MAP3K20: variants seen among roughly 807,000 people sequenced by gnomAD.
MAP3K20 encodes the protein HCCS-4.
A neutral mutation model predicts 85.7 loss-of-function variants in MAP3K20; 40 were observed. The ratio of observed to expected loss-of-function variants is 0.47; its 90% CI spans 0.36 to 0.61. MAP3K20 has a LOEUF of 0.61. MAP3K20 is among the 20% of genes least tolerant of loss of function. The pLI is 0.00. For missense variants in MAP3K20, 817 were observed against 961.7 expected (o/e 0.85, Z 1.99); for synonymous variants, 325 against 327.7 (o/e 0.99, Z 0.09).
At chr2:173,209,974 T>TG in intron 10 of MAP3K20, 139 bp downstream of exon 10, 1 of 759,870 alleles carries the variant, frequency 1.3e-6, no homozygotes, top group Admixed American at 2.5e-5. Flanking sequence ...GTTTTTTTTA[T>TG]GATTTTGGAA....
chr2:173,192,128 G>A (rs1690672001), intron 7 of MAP3K20, among the ~76,000 whole-genome samples: 1 of 151,998 alleles, frequency 6.6e-6, no homozygotes, highest in African/African-American at 2.4e-5. Flanking sequence ...TTCCTAAAAG[G>A]GCATTTTCAT....
intron 2 of MAP3K20, among the ~76,000 whole-genome samples, chr2:173,165,942 C>T (rs1173282749): frequency 1.3e-5 from 2 of 152,190 alleles, no homozygotes; most frequent in Non-Finnish European, 2.9e-5. Context: ...TCCCAAAATG[C>T]TAGGATTACA....
intron 2 of MAP3K20, among the ~76,000 whole-genome samples, chr2:173,137,559 A>G (rs1688831720): frequency 6.6e-6 from 1 of 152,110 alleles, no homozygotes. Flanking sequence ...CATATGAGTA[A>G]GAAGTGTGCA....
intron 16 of MAP3K20, among the ~76,000 whole-genome samples, chr2:173,253,098 G>C (rs976706960): frequency 1.3e-5 from 2 of 152,024 alleles, no homozygotes; most frequent in Non-Finnish European, 2.9e-5. Context: ...CAAGTGAGAC[G>C]CGCTGACCCA....
At chr2:173,232,081 G>C in intron 12 of MAP3K20, 111 bp from the exon 13 acceptor site, 4 of 1,335,546 alleles carry the variant, frequency 3.0e-6, no homozygotes, top group African/African-American at 1.5e-5. Flanking sequence ...CTTTGTGGTT[G>C]AGCCAGGAAT....
At chr2:173,190,208 A>T (rs1308769334) in intron 5 of MAP3K20, among the ~76,000 whole-genome samples, 1 of 152,164 alleles carries the variant, frequency 6.6e-6, no homozygotes, top group Non-Finnish European at 1.5e-5. Context: ...TAGCATAAGC[A>T]TCATTTCTTA....
At position 173,137,490 on chromosome 2, in the gene MAP3K20, A is replaced by AT. The variant is rs572247972; in HGVS notation, c.160-32304dup. 7.3e-4 allele frequency among the ~76,000 whole-genome samples: 109 copies of AT among 148,628 alleles called. 1 individual carries two copies. The highest frequency in any genetic ancestry group is 2.0e-3 in the Admixed American group (29 of 14,810). On this transcript the variant is annotated intron_variant, in intron 2 of 19. Coordinates refer to ENST00000375213, the MANE Select transcript of MAP3K20 (RefSeq NM_016653.3). ...TTAATTTAAATGTCAGCTTGAGAAG[A>AT]TTTTTTTTTTTCTGGTTGAGTAATT...
Position 173,203,835 on chromosome 2 carries a change from G to C in MAP3K20, c.709G>C (p.Glu237Gln). Residue 237 changes from glutamate (E) to glutamine (Q), a missense_variant, in exon 9 of 20, where the codon GAA becomes CAA. Physicochemically the swap from Glu to Gln is conservative, Grantham distance 29. Transcript: ENST00000375213. ...AAGCAGTTGCCCCAGAAGTTTTGCT[G>C]AACTGTTACATCAGTGTTGGGAAGC... ...IPSSCPRSFA[E>Q]LLHQCWEADA... 1 of 1,613,864 alleles carries C rather than the reference G, an allele frequency of 6.2e-7. No individual in the cohort carries two copies. Among genetic ancestry groups the C allele is most frequent in the Non-Finnish European group, 8.5e-7 (1 of 1,179,868 alleles).
chr2:173,220,024 T>C (rs1054630998), intron 11 of MAP3K20, among the ~76,000 whole-genome samples: 9 of 135,824 alleles, frequency 6.6e-5, no homozygotes, highest in South Asian at 2.4e-4. Context: ...GCTGAGATAG[T>C]GCCACTGCAC....
chr2:173,228,705 G>A (rs1684449894), intron 11 of MAP3K20, among the ~76,000 whole-genome samples: 1 of 152,130 alleles, frequency 6.6e-6, no homozygotes, highest in African/African-American at 2.4e-5. Context: ...CAGGGGCTGT[G>A]CCTTTCCTAG....
intron 9 of MAP3K20, chr2:173,207,794 A>G (rs919445413): frequency 6.6e-6 from 1 of 150,814 alleles, no homozygotes; most frequent in African/African-American, 2.4e-5. Flanking sequence ...AGAGGAATTT[A>G]TATAAGATCC....
intron 2 of MAP3K20, among the ~76,000 whole-genome samples, chr2:173,143,287 GAT>G: frequency 6.6e-6 from 1 of 152,062 alleles, no homozygotes; most frequent in East Asian, 1.9e-4. Context: ...TTTCTTAAAA[GAT>G]ATAACAATCA....
At chr2:173,157,517 A>T (rs1463841461) in intron 2 of MAP3K20, among the ~76,000 whole-genome samples, 6 of 152,230 alleles carry the variant, frequency 3.9e-5, no homozygotes, top group Non-Finnish European at 8.8e-5. Flanking sequence ...TTTTAAAATT[A>T]AATTTGCTAA....
chr2:173,080,639 TTAAG>T (rs776633246), intron 1 of MAP3K20, among the ~76,000 whole-genome samples: 9 of 152,364 alleles, frequency 5.9e-5, no homozygotes, highest in Admixed American at 2.0e-4. Flanking sequence ...ACATTAGCGA[TTAAG>T]TAATTAAGTT....
intron 5 of MAP3K20, 60 bp downstream of exon 5, chr2:173,187,683 AGAAATGAGCATC>A: frequency 7.1e-7 from 1 of 1,416,086 alleles, no homozygotes; most frequent in Non-Finnish European, 9.8e-7. Flanking sequence ...ACTTGCATGT[AGAAATGAGCATC>A]ATTCTTTTAC....
In MAP3K20 at chr2:173,114,397, A is replaced by G. The variant is rs531867508; in HGVS notation, c.159+23207A>G. Among the ~76,000 whole-genome samples the G allele has an allele frequency of 3.9e-4, 59 of 152,248 alleles. No individual in the cohort carries two copies. In the East Asian group the frequency reaches 6.8e-3, roughly 17 times the overall value. On this transcript the variant is annotated intron_variant, in intron 2 of 19. Transcript: ENST00000375213. Reference sequence around the variant, plus strand: ...CCATTTACATTCATTCAATGTTAGTATTGAAGTGTGAGGTACTATTGCGTT... The same window carrying G: ...CCATTTACATTCATTCAATGTTAGTGTTGAAGTGTGAGGTACTATTGCGTT...
intron 9 of MAP3K20, among the ~76,000 whole-genome samples, chr2:173,206,205 TACC>T (rs1683683010): frequency 6.6e-6 from 1 of 152,248 alleles, no homozygotes; most frequent in Admixed American, 6.5e-5. Flanking sequence ...GAGCACTCAG[TACC>T]ACATTAATTA....
At chr2:173,227,581 C>T (rs1039459270) in intron 11 of MAP3K20, among the ~76,000 whole-genome samples, 42 of 152,314 alleles carry the variant, frequency 2.8e-4, no homozygotes, top group African/African-American at 9.1e-4. Context: ...GTGCCTTTCC[C>T]TAGGCATCGT....
chr2:173,181,240 G>C (rs908914761), intron 3 of MAP3K20, among the ~76,000 whole-genome samples: 1 of 152,082 alleles, frequency 6.6e-6, no homozygotes, highest in Non-Finnish European at 1.5e-5. Context: ...AATACTGCTG[G>C]GCACAGTCAC....
Sources: gnomAD v4.1 joint callset for allele counts (sites outside exome capture counted in the v4.1 genomes callset) on GRCh38, gnomAD v4.1.1 for gene constraint, MANE v1.5 for transcripts, NCBI Gene and HGNC (gene_info 2026-07-23, HGNC 2026-07-21) for gene names.